GRIP1: variants seen among roughly 807,000 people sequenced by gnomAD.
The protein encoded by GRIP1 is glutamate receptor interacting protein 1.
In GRIP1, 45 loss-of-function variants were observed where a neutral mutation model predicts 129.9. The ratio of observed to expected loss-of-function variants is 0.35; its 90% CI spans 0.27 to 0.44. The LOEUF (loss-of-function observed/expected upper bound fraction) is 0.44, where lower values mean the gene tolerates loss of function less well. Ranked by LOEUF, GRIP1 falls within the 20% of genes least tolerant of loss-of-function variation. The probability of loss-of-function intolerance (pLI) is 1.00; values close to 1 mark genes in which losing one functional copy is unlikely to be tolerated. For synonymous variants in GRIP1, 530 were observed against 520.8 expected, an observed-to-expected ratio of 1.02 and a Z score of -0.24; for missense variants, 1,196 against 1,396.8, an observed-to-expected ratio of 0.86 and a Z score of 2.29.
At chr12:66,839,597 A>G (rs184663233) in intron 1 of GRIP1, among the ~76,000 whole-genome samples, 3 of 152,340 alleles carry the variant, frequency 2.0e-5, no homozygotes, top group Admixed American at 2.0e-4. Flanking sequence ...GCTGTGTAGC[A>G]TGAAAAACAA....
chr12:67,045,665 A>G (rs2043242227), intron 1 of GRIP1, among the ~76,000 whole-genome samples: 5 of 152,184 alleles, frequency 3.3e-5, no homozygotes. Flanking sequence ...CTGAAGTTTC[A>G]ACTTACAGTT....
chr12:66,477,215 G>A (rs2059644022), intron 7 of GRIP1, among the ~76,000 whole-genome samples: 1 of 152,116 alleles, frequency 6.6e-6, no homozygotes, highest in African/African-American at 2.4e-5. Flanking sequence ...AAAATCACAA[G>A]CATTCCTCTA....
chr12:66,528,205 G>A (rs1257709032), intron 5 of GRIP1, among the ~76,000 whole-genome samples: 2 of 148,688 alleles, frequency 1.3e-5, no homozygotes, highest in African/African-American at 2.5e-5. Flanking sequence ...CACGATCTGG[G>A]CTCACTGCAA....
intron 2 of GRIP1, among the ~76,000 whole-genome samples, chr12:66,584,682 TA>T (rs528220940): frequency 3.0e-4 from 45 of 152,204 alleles, no homozygotes; most frequent in African/African-American, 1.1e-3. Context: ...AGGGTAAGTT[TA>T]ATTTGTCCCT....
At chr12:66,871,850 C>T (rs1296679909) in intron 1 of GRIP1, among the ~76,000 whole-genome samples, 1 of 151,970 alleles carries the variant, frequency 6.6e-6, no homozygotes, top group Non-Finnish European at 1.5e-5. Flanking sequence ...TTTTCTTGAC[C>T]TATATAAATT....
At chr12:66,441,823 G>T (rs923331217) in intron 13 of GRIP1, among the ~76,000 whole-genome samples, 4 of 152,078 alleles carry the variant, frequency 2.6e-5, no homozygotes, top group African/African-American at 7.2e-5. Flanking sequence ...CCCTCTTCCA[G>T]TCTTCTCAGC....
intron 1 of GRIP1, among the ~76,000 whole-genome samples, chr12:66,963,822 C>A (rs533265795): frequency 1.3e-5 from 2 of 152,284 alleles, no homozygotes; most frequent in Non-Finnish European, 2.9e-5. Flanking sequence ...ATTTGGATGT[C>A]ATTCTGCTAC....
intron 1 of GRIP1, among the ~76,000 whole-genome samples, chr12:66,852,921 G>A (rs1382434710): frequency 2.0e-5 from 3 of 151,812 alleles, no homozygotes; most frequent in Admixed American, 2.0e-4. Context: ...TATGCCTTTG[G>A]AGAATAGACT....
intron 1 of GRIP1, among the ~76,000 whole-genome samples, chr12:66,798,704 T>C (rs2038771514): frequency 6.6e-6 from 1 of 152,174 alleles, no homozygotes; most frequent in Non-Finnish European, 1.5e-5. Flanking sequence ...TGAAGGTAGC[T>C]ATATTTGCAA....
At chr12:67,044,025 CT>C (rs1023493671) in intron 1 of GRIP1, among the ~76,000 whole-genome samples, 1 of 151,982 alleles carries the variant, frequency 6.6e-6, no homozygotes, top group Non-Finnish European at 1.5e-5. Context: ...CTGAGAGAAC[CT>C]TTTATAATAG....
intron 16 of GRIP1, among the ~76,000 whole-genome samples, chr12:66,400,176 C>A (rs2056933416): frequency 6.6e-6 from 1 of 151,896 alleles, no homozygotes; most frequent in South Asian, 2.1e-4. Flanking sequence ...GAATCCCTAC[C>A]CCACAGACCA....
rs909455277 is a variant in GRIP1 at position 66,668,820 on chromosome 12, T to C, written c.55+10030A>G. Among the ~76,000 whole-genome samples, 9 of 151,554 alleles carry C rather than the reference T, an allele frequency of 5.9e-5. No individual in the cohort carries two copies. The East Asian group carries it at 1.8e-3, about 29-fold the overall frequency. On this transcript the variant is annotated intron_variant, in intron 1 of 24. Transcript: ENST00000359742. ...CCAGCATGGTGGGGTCCTAGCTACT[T>C]GGGGGTTGGGGGAGTGGCAGGGAGG...
At chr12:66,445,208 T>C in intron 12 of GRIP1, 114 bp downstream of exon 12, 1 of 900,098 alleles carries the variant, frequency 1.1e-6, no homozygotes, top group Middle Eastern at 2.2e-4. Flanking sequence ...AGACAGTTCA[T>C]CATATCTTGC....
At chr12:66,418,296 G>A (rs12099735) in intron 15 of GRIP1, among the ~76,000 whole-genome samples, 10,495 of 152,132 alleles carry the variant, frequency 0.069, 983 homozygotes, top group African/African-American at 0.21. Context: ...AATCAAAATG[G>A]ATTAACAACT....
chr12:66,622,791 A>C (rs1268441851), intron 1 of GRIP1, among the ~76,000 whole-genome samples: 1 of 151,958 alleles, frequency 6.6e-6, no homozygotes, highest in African/African-American at 2.4e-5. Context: ...CCTTACTCAT[A>C]CTCATCCTTC....
rs150639628 is a variant in GRIP1, at chr12:66,372,016, G to A, written c.2779-89C>T. 1.4e-4 allele frequency: 118 copies of A among 870,424 alleles called. 1 individual carries two copies. The highest frequency in any genetic ancestry group is 1.1e-3 in the South Asian group (81 of 73,104). 53.9% of individuals were successfully genotyped at this position (870,424 alleles called of 1,614,324 possible). A position where few individuals can be genotyped will look rare whatever the true frequency, so the allele number is the denominator to read the frequency against. ...ACAGTAAGCACATTTCTCCTTCTGC[G>A]AGGTAAAAATACAGTCTCTTCAGGG... On this transcript the variant is annotated intron_variant, in intron 22 of 24. Transcript: ENST00000359742.
intron 1 of GRIP1, among the ~76,000 whole-genome samples, chr12:66,908,563 T>A (rs1342179647): frequency 2.0e-5 from 3 of 152,138 alleles, no homozygotes; most frequent in African/African-American, 7.2e-5. Flanking sequence ...ACAAATATGA[T>A]CTGAAGAAAC....
At chr12:66,743,147 C>T (rs1210222624) in intron 1 of GRIP1, among the ~76,000 whole-genome samples, 1 of 152,118 alleles carries the variant, frequency 6.6e-6, no homozygotes, top group Non-Finnish European at 1.5e-5. Flanking sequence ...CATTTACTCA[C>T]CTAACATCTA....
intron 1 of GRIP1, among the ~76,000 whole-genome samples, chr12:66,902,979 G>C (rs548787552): frequency 6.6e-6 from 1 of 152,186 alleles, no homozygotes. Flanking sequence ...ATGGAGTTCT[G>C]ATTTGTTTAT....
Sources: allele counts gnomAD v4.1 joint callset (sites outside exome capture counted in the v4.1 genomes callset), GRCh38; gene constraint gnomAD v4.1.1; transcripts MANE v1.5; gene names NCBI Gene and HGNC (gene_info 2026-07-23, HGNC 2026-07-21).